The following FAM120A variants were observed in gnomAD, a reference collection of about 807,000 sequenced individuals.
FAM120A encodes constitutive coactivator of PPAR-gamma-like protein 1.
In FAM120A, 15 loss-of-function variants were observed where a neutral mutation model predicts 109.7. The ratio of observed to expected loss-of-function variants is 0.14; its 90% confidence interval spans 0.09 to 0.21. The LOEUF is 0.21. Ranked by LOEUF, FAM120A falls within the 10% of genes least tolerant of loss-of-function variation. FAM120A has a pLI of 1.00. For missense variants in FAM120A, 899 were observed against 1,439.3 expected, an observed-to-expected ratio of 0.62 and a Z score of 6.07; for synonymous variants, 493 against 572.8, an observed-to-expected ratio of 0.86 and a Z score of 1.99.
At chr9:93,455,822 C>G (rs1857527300) in intron 1 of FAM120A, among the ~76,000 whole-genome samples, 1 of 152,258 alleles carries the variant, frequency 6.6e-6, no homozygotes, top group East Asian at 1.9e-4. Context: ...GCCATCATGC[C>G]TGGCTAATCT....
In FAM120A at chr9:93,453,219, T is replaced by TCAGTGACCTTCAG. The variant is rs574915906; in HGVS notation, c.474+832_474+844dup. The TCAGTGACCTTCAG allele has an allele frequency of 4.4e-4, 438 of 1,000,372 alleles. 7 individuals are homozygous for TCAGTGACCTTCAG. In the South Asian group the frequency reaches 0.016, roughly 37 times the overall value. 62.0% of individuals were successfully genotyped at this position (1,000,372 alleles called of 1,614,324 possible). A position where few individuals can be genotyped will look rare whatever the true frequency, so the allele number is the denominator to read the frequency against. ...TATTTTTCGGGTGCACAGTAAGTAT[T>TCAGTGACCTTCAG]CAGTGACCTTCAGCGGTGCCCTGAC... On this transcript the variant is annotated intron_variant, in intron 1 of 17. Coordinates refer to ENST00000277165, the MANE Select transcript of FAM120A (RefSeq NM_014612.5).
rs7862736 is a variant in FAM120A at position 93,487,566 on chromosome 9, T to C, written c.805-9905T>C. On this transcript the variant is annotated intron_variant, in intron 3 of 17. Coordinates refer to ENST00000277165, the MANE Select transcript of FAM120A (RefSeq NM_014612.5). ...TGCAATAAGTTTGCGTCCCAAAGTG[T>C]TACCTTAAGCAAAGAGTCAAACCCA... Among the ~76,000 whole-genome samples the C allele has an allele frequency of 9.1e-3, 1,384 of 152,324 alleles. 21 individuals carry two copies. The highest frequency in any genetic ancestry group is 0.032 in the African/African-American group (1,315 of 41,558).
intron 1 of FAM120A, chr9:93,453,400 C>CT: frequency 1.0e-6 from 1 of 985,470 alleles, no homozygotes; most frequent in Non-Finnish European, 1.2e-6. Context: ...TGATTGCTTG[C>CT]TTTTTTCATT....
At chr9:93,541,474 C>T (rs1233289774) in intron 10 of FAM120A, among the ~76,000 whole-genome samples, 1 of 152,066 alleles carries the variant, frequency 6.6e-6, no homozygotes, top group Non-Finnish European at 1.5e-5. Context: ...ACAGGATATG[C>T]TTCGTGATGG....
chr9:93,542,154 A>G (rs1160475395), intron 10 of FAM120A, among the ~76,000 whole-genome samples: 1 of 152,220 alleles, frequency 6.6e-6, no homozygotes, highest in Non-Finnish European at 1.5e-5. Flanking sequence ...TGGTCTCCGT[A>G]CAGACACTGG....
Position 93,497,545 on chromosome 9 carries a change from T to G in FAM120A, c.879T>G (p.Ile293Met), listed in dbSNP as rs1249804122. The change falls in exon 4 of 18, where the codon ATT (isoleucine) becomes ATG (methionine). Residue 293 changes from isoleucine (I) to methionine (M), a missense_variant. This residue lies in a region of FAM120A where 258 missense variants were observed against 451.4 expected (regional missense o/e 0.57). Coordinates refer to ENST00000277165, the MANE Select transcript of FAM120A (RefSeq NM_014612.5). ...IKAVADYVRN[I>M]QDTSDLDAIA... The stretch of plus-strand genomic sequence containing the variant: ...CCGTTGCTGACTATGTACGCAACAT[T>G]CAGGACACCTCTGACTTGGATGCCA... 1.2e-6 allele frequency: 2 copies of G among 1,613,046 alleles called. No individual in the cohort carries two copies. Among genetic ancestry groups the G allele is most frequent in the Non-Finnish European group, 1.7e-6 (2 of 1,179,710 alleles).
intron 1 of FAM120A, among the ~76,000 whole-genome samples, chr9:93,461,762 TCAAAAC>T: frequency 6.6e-6 from 1 of 152,216 alleles, no homozygotes; most frequent in Non-Finnish European, 1.5e-5. Context: ...GCTCCAAAAT[TCAAAAC>T]TTTTTGAGCA....
chr9:93,512,573 T>C (rs1412650027), intron 5 of FAM120A, among the ~76,000 whole-genome samples: 1 of 151,806 alleles, frequency 6.6e-6, no homozygotes, highest in East Asian at 1.9e-4. Flanking sequence ...CTCTAGTAAG[T>C]GTGAAAGGAA....
chr9:93,482,752 C>A (rs1858875922), intron 3 of FAM120A, among the ~76,000 whole-genome samples: 1 of 152,080 alleles, frequency 6.6e-6, no homozygotes, highest in Admixed American at 6.5e-5. Context: ...GTGGGCCAGT[C>A]TAGTAGACTG....
At chr9:93,538,361 G>T (rs893386195) in intron 10 of FAM120A, among the ~76,000 whole-genome samples, 4 of 152,086 alleles carry the variant, frequency 2.6e-5, no homozygotes, top group African/African-American at 9.7e-5. Flanking sequence ...TAAAAATTAG[G>T]GGGCAGTTTT....
rs776920521 is a variant in FAM120A, at chr9:93,562,166, A to G, written c.2949-42A>G. 2.5e-5 allele frequency: 36 copies of G among 1,457,426 alleles called. No individual in the cohort carries two copies. In the Admixed American group the frequency reaches 6.1e-4, roughly 25 times the overall value. The allele number at this position is 1,457,426 out of a possible 1,614,324, so 90.3% of individuals were successfully genotyped here. ...GATACTATTTTAAATGTTGTCTGTA[A>G]CAGATTTAAGTGTTTACTGTTGTCC... On this transcript the variant is annotated intron_variant, in intron 16 of 17. Coordinates refer to ENST00000277165, the MANE Select transcript of FAM120A (RefSeq NM_014612.5).
At position 93,481,075 on chromosome 9, in the gene FAM120A, CCATTCGGTCTGCCTGGA is replaced by C. The variant is rs936548354; in HGVS notation, c.804+4741_804+4757del. ...CCTCCTGTGCCCTGGGAGTGGCTGG[CCATTCGGTCTGCCTGGA>C]CATAAGGTTTAGTGAGCCTGTGGGT... On this transcript the variant is annotated intron_variant, in intron 3 of 17. Coordinates refer to ENST00000277165, the MANE Select transcript of FAM120A (RefSeq NM_014612.5). Among the ~76,000 whole-genome samples the C allele has an allele frequency of 3.5e-4, 54 of 152,326 alleles. 1 individual carries two copies. The highest frequency in any genetic ancestry group is 1.2e-3 in the African/African-American group (49 of 41,588).
Position 93,515,210 on chromosome 9 carries a change from A to G in FAM120A, c.1031-457A>G, listed in dbSNP as rs1261290147. ...GTAGTTGCAATGTACTTTAAATAGA[A>G]AAGTCCTCTTGCTTGACAAAGGTAA... On this transcript the variant is annotated intron_variant, in intron 5 of 17. Transcript: ENST00000277165. Among the ~76,000 whole-genome samples, 8 of 152,418 alleles carry G rather than the reference A, an allele frequency of 5.2e-5. No homozygotes were observed. The East Asian group carries it at 1.5e-3, about 29-fold the overall frequency.
At chr9:93,523,453 A>C in intron 7 of FAM120A, 2 of 440,574 alleles carry the variant, frequency 4.5e-6, no homozygotes, top group African/African-American at 2.6e-5. Context: ...ACAGATATCC[A>C]CTTTATATTT....
At chr9:93,461,537 A>AT (rs1857790753) in intron 1 of FAM120A, among the ~76,000 whole-genome samples, 2 of 152,188 alleles carry the variant, frequency 1.3e-5, no homozygotes, top group African/African-American at 4.8e-5. Flanking sequence ...TATTACTAGG[A>AT]TTTAGCTGAG....
rs1276025027 is a variant in FAM120A, at chr9:93,543,215, C to T, written c.1910-7C>T. 14 of 1,604,802 alleles carry T rather than the reference C, an allele frequency of 8.7e-6. No individual in the cohort carries two copies. The Admixed American group carries it at 1.4e-4, about 16-fold the overall frequency. On this transcript the variant is annotated splice_region_variant and splice_polypyrimidine_tract_variant and intron_variant, in intron 10 of 17. Transcript: ENST00000277165. Reference sequence around the variant, plus strand: ...AATGTGTCTTCTCTGGCTTTTTTTTCCTGTAGTTTCACCAGTGATCATTAA... The same window carrying T: ...AATGTGTCTTCTCTGGCTTTTTTTTTCTGTAGTTTCACCAGTGATCATTAA...
intron 1 of FAM120A, among the ~76,000 whole-genome samples, chr9:93,461,162 C>T (rs1310743149): frequency 6.6e-6 from 1 of 152,174 alleles, no homozygotes; most frequent in Non-Finnish European, 1.5e-5. Flanking sequence ...TGGCATTTCT[C>T]AGTTGTCTCT....
chr9:93,530,593 C>T (rs957790101), intron 9 of FAM120A: 2 of 152,080 alleles, frequency 1.3e-5, no homozygotes, highest in African/African-American at 4.8e-5. Flanking sequence ...TTGCTCAGAT[C>T]CTTTAATTTA....
chr9:93,549,185 A>G (rs1862006417), intron 11 of FAM120A, among the ~76,000 whole-genome samples: 1 of 152,242 alleles, frequency 6.6e-6, no homozygotes, highest in Non-Finnish European at 1.5e-5. Flanking sequence ...TGAAACTTTC[A>G]CATCACTCTT....
Sources: allele counts gnomAD v4.1 joint callset (sites outside exome capture counted in the v4.1 genomes callset), GRCh38; gene constraint gnomAD v4.1.1; regional missense constraint gnomAD v4.1.1; transcripts MANE v1.5; gene names NCBI Gene and HGNC (gene_info 2026-07-23, HGNC 2026-07-21).